ITGBL1: variants seen among roughly 807,000 people sequenced by gnomAD.
ITGBL1 encodes integrin subunit beta like 1.
In ITGBL1, 51 loss-of-function variants were observed where a neutral mutation model predicts 68.5. The ratio of observed to expected loss-of-function variants is 0.74; its 90% CI spans 0.59 to 0.94. The LOEUF (loss-of-function observed/expected upper bound fraction) is 0.94. Ranked by LOEUF, ITGBL1 falls within the 40% of genes least tolerant of loss-of-function variation. The pLI is 0.00. For synonymous variants in ITGBL1, 209 were observed against 227.3 expected, an observed-to-expected ratio of 0.92 and a Z score of 0.72; for missense variants, 649 against 647.4, an observed-to-expected ratio of 1.00 and a Z score of -0.03.
chr13:101,489,013 ATTT>A (rs1398159309), intron 2 of ITGBL1, among the ~76,000 whole-genome samples: 2 of 152,142 alleles, frequency 1.3e-5, no homozygotes, highest in Non-Finnish European at 2.9e-5. Context: ...AGGTGTGGTT[ATTT>A]TGCCTTTTCT....
At chr13:101,490,671 G>T (rs1459027506) in intron 2 of ITGBL1, among the ~76,000 whole-genome samples, 2 of 152,166 alleles carry the variant, frequency 1.3e-5, no homozygotes. Flanking sequence ...AATTGGAAAT[G>T]GGCACAGAGA....
chr13:101,706,998 C>A lies in ITGBL1; in HGVS notation c.1279+96C>A, dbSNP rs917266432. ...ACTGTCTTTCCCAGACTGAACTTTG[C>A]ATGAAAGCAAACCACTATGTCCTCT... On this transcript the variant is annotated intron_variant, in intron 9 of 10. Coordinates refer to ENST00000376180, the MANE Select transcript of ITGBL1 (RefSeq NM_004791.3). The A allele has an allele frequency of 3.8e-6, 5 of 1,332,944 alleles. No homozygotes were observed. The Admixed American group carries it at 9.7e-5, about 26-fold the overall frequency. 82.6% of individuals were successfully genotyped at this position (1,332,944 alleles called of 1,614,324 possible). A position where few individuals can be genotyped will look rare whatever the true frequency, so the allele number is the denominator to read the frequency against.
rs140163360 is a variant in ITGBL1 at position 101,503,103 on chromosome 13, T to C, written c.316+49003T>C. 2.3e-3 allele frequency among the ~76,000 whole-genome samples: 346 copies of C among 152,360 alleles called. 1 individual carries two copies. The highest frequency in any genetic ancestry group is 7.5e-3 in the African/African-American group (313 of 41,586). ...GCTGTGTTCCACCAGCCAGATGTCA[T>C]ATTTGGTAAAAGAAATATGGGGTAA... is the stretch of plus-strand genomic sequence containing the variant. On this transcript the variant is annotated intron_variant, in intron 2 of 10. Coordinates refer to ENST00000376180, the MANE Select transcript of ITGBL1 (RefSeq NM_004791.3).
intron 7 of ITGBL1, among the ~76,000 whole-genome samples, chr13:101,649,110 A>G (rs1477375006): frequency 1.3e-5 from 2 of 152,128 alleles, no homozygotes; most frequent in African/African-American, 2.4e-5. Context: ...GAAATTGGTA[A>G]TTTTAGTTTT....
intron 2 of ITGBL1, among the ~76,000 whole-genome samples, chr13:101,543,172 G>T (rs1190532435): frequency 6.6e-6 from 1 of 152,052 alleles, no homozygotes; most frequent in Non-Finnish European, 1.5e-5. Flanking sequence ...TTACAATTTG[G>T]CATTTTTTTG....
intron 7 of ITGBL1, among the ~76,000 whole-genome samples, chr13:101,645,174 C>G (rs1164641882): frequency 6.6e-6 from 1 of 152,158 alleles, no homozygotes; most frequent in Non-Finnish European, 1.5e-5. Context: ...GAGACCAAGG[C>G]TTGCTTTGGC....
intron 7 of ITGBL1, among the ~76,000 whole-genome samples, chr13:101,638,124 C>T (rs1038282440): frequency 2.0e-5 from 3 of 152,172 alleles, no homozygotes; most frequent in African/African-American, 7.2e-5. Flanking sequence ...TTGAGAGGCT[C>T]TAATGAAAGG....
At chr13:101,704,102 G>C (rs1386271120) in intron 8 of ITGBL1, among the ~76,000 whole-genome samples, 2 of 152,118 alleles carry the variant, frequency 1.3e-5, no homozygotes, top group Non-Finnish European at 2.9e-5. Flanking sequence ...GTGCCAGCTT[G>C]TCAGGGCCAC....
At chr13:101,657,154 A>G (rs1277074994) in intron 7 of ITGBL1, among the ~76,000 whole-genome samples, 3 of 152,152 alleles carry the variant, frequency 2.0e-5, no homozygotes, top group East Asian at 1.9e-4. Context: ...TACAGTGTGC[A>G]TTGTGTTTTA....
At chr13:101,487,089 A>G (rs554963044) in intron 2 of ITGBL1, among the ~76,000 whole-genome samples, 2 of 152,332 alleles carry the variant, frequency 1.3e-5, no homozygotes, top group African/African-American at 2.4e-5. Flanking sequence ...TTGATAGCCT[A>G]TCTTATCATT....
chr13:101,699,407 A>G (rs1304004102), intron 8 of ITGBL1, among the ~76,000 whole-genome samples: 2 of 152,118 alleles, frequency 1.3e-5, no homozygotes, highest in African/African-American at 2.4e-5. Context: ...TTCATCTTGA[A>G]TTGTAGTTTC....
intron 2 of ITGBL1, among the ~76,000 whole-genome samples, chr13:101,526,134 T>TTCC (rs1566715776): frequency 1.4e-5 from 2 of 140,324 alleles, no homozygotes; most frequent in Admixed American, 7.1e-5. Context: ...CAAAGGCTAG[T>TTCC]TTCTTCTTCT....
chr13:101,582,477 T>C (rs1391857201), intron 5 of ITGBL1, among the ~76,000 whole-genome samples: 1 of 152,186 alleles, frequency 6.6e-6, no homozygotes, highest in African/African-American at 2.4e-5. Flanking sequence ...TTACTGATAA[T>C]CCACACAGAG....
chr13:101,700,868 A>T (rs755893470), intron 8 of ITGBL1, among the ~76,000 whole-genome samples: 31 of 152,070 alleles, frequency 2.0e-4, no homozygotes, highest in Admixed American at 8.5e-4. Context: ...CCCTTCCCTG[A>T]CTACCCTAGT....
chr13:101,677,071 C>T (rs1224520957), intron 7 of ITGBL1, among the ~76,000 whole-genome samples: 2 of 152,116 alleles, frequency 1.3e-5, no homozygotes, highest in Non-Finnish European at 2.9e-5. Context: ...TTGCAATGGG[C>T]TGAGATCACA....
At chr13:101,500,913 C>T (rs2048931199) in intron 2 of ITGBL1, among the ~76,000 whole-genome samples, 3 of 152,160 alleles carry the variant, frequency 2.0e-5, no homozygotes, top group Admixed American at 2.0e-4. Context: ...GGAATCCTAT[C>T]CCAACTTCAT....
intron 7 of ITGBL1, among the ~76,000 whole-genome samples, chr13:101,656,918 G>A (rs188427386): frequency 9.1e-4 from 136 of 149,122 alleles, no homozygotes; most frequent in Non-Finnish European, 1.7e-3. Context: ...TAATTAGACT[G>A]TGTTCCCAGT....
chr13:101,590,847 T>G (rs2050639529), intron 6 of ITGBL1, among the ~76,000 whole-genome samples: 1 of 152,160 alleles, frequency 6.6e-6, no homozygotes, highest in South Asian at 2.1e-4. Flanking sequence ...TAGATCTGTT[T>G]GCAATGTTTG....
intron 3 of ITGBL1, among the ~76,000 whole-genome samples, chr13:101,571,440 C>T (rs2050271010): frequency 6.6e-6 from 1 of 152,074 alleles, no homozygotes; most frequent in Admixed American, 6.6e-5. Flanking sequence ...ATTTGAAATA[C>T]AATTTAGCTT....
Sources: allele counts gnomAD v4.1 joint callset (sites outside exome capture counted in the v4.1 genomes callset), GRCh38; gene constraint gnomAD v4.1.1; transcripts MANE v1.5; gene names NCBI Gene and HGNC (gene_info 2026-07-23, HGNC 2026-07-21).